USP8: variants seen among roughly 807,000 people sequenced by gnomAD.
USP8 encodes ubiquitin carboxyl-terminal hydrolase 8.
In USP8, 27 loss-of-function variants were observed where a neutral mutation model predicts 130.0. That is an observed-to-expected ratio of 0.21 (90% confidence interval 0.15 to 0.29). USP8 has a LOEUF of 0.29. Among genes scored for constraint, USP8 ranks in the 10% least tolerant of loss-of-function variants. The pLI is 1.00. For missense variants in USP8, 1,029 were observed against 1,312.2 expected (o/e 0.78, Z 3.33); for synonymous variants, 392 against 444.1 (o/e 0.88, Z 1.48).
At position 50,500,667 on chromosome 15, in the gene USP8, T is replaced by C. The variant is rs1456066902; in HGVS notation, c.*1579T>C. On this transcript the variant is annotated 3_prime_UTR_variant, in exon 20 of 20. Coordinates refer to ENST00000307179, the MANE Select transcript of USP8 (RefSeq NM_005154.5). Reference sequence around the variant, plus strand: ...ATTTTCCTGGCTCTTAACGCTTTTGTATTGGTATGGAAAAGGGCTGGCAGC... The same window carrying C: ...ATTTTCCTGGCTCTTAACGCTTTTGCATTGGTATGGAAAAGGGCTGGCAGC... 16 of 1,140,530 alleles carry C rather than the reference T, an allele frequency of 1.4e-5. No homozygotes were observed. The highest frequency in any genetic ancestry group is 2.1e-5 in the Non-Finnish European group (16 of 779,798). The allele number at this position is 1,140,530 out of a possible 1,614,324, so 70.7% of individuals were successfully genotyped here. A position where few individuals can be genotyped will look rare whatever the true frequency, so the allele number is the denominator to read the frequency against.
In USP8 at chr15:50,499,110, G is replaced by C. The variant is rs766714848; in HGVS notation, c.*22G>C. 6.4e-7 allele frequency: 1 copy of C among 1,557,586 alleles called. No individual in the cohort carries two copies. Among genetic ancestry groups the C allele is most frequent in the African/African-American group, 1.4e-5 (1 of 72,864 alleles). ...ATAAGGAGACATAGGTTATAAACTAGTTATCTTTTAAAAGGCTCAGCAACA... is the reference window on the plus strand; with the variant it reads ...ATAAGGAGACATAGGTTATAAACTACTTATCTTTTAAAAGGCTCAGCAACA... On this transcript the variant is annotated 3_prime_UTR_variant, in exon 20 of 20. Coordinates refer to ENST00000307179, the MANE Select transcript of USP8 (RefSeq NM_005154.5).
Position 50,477,342 on chromosome 15 carries a change from C to A in USP8, c.1061C>A (p.Ala354Glu). 6.2e-7 allele frequency: 1 copy of A among 1,614,094 alleles called. No homozygotes were observed. The highest frequency in any genetic ancestry group is 8.5e-7 in the Non-Finnish European group (1 of 1,180,026). Residue 354 changes from alanine (A) to glutamate (E), a missense_variant, in exon 10 of 20, where the codon GCA (alanine) becomes GAA (glutamate). Ala to Glu is a moderately radical substitution (Grantham distance 107). Around this residue, in one of 4 missense-constraint regions of USP8, gnomAD observed 486 missense variants for 522.0 expected, o/e 0.93. Transcript: ENST00000307179. Reference sequence around the variant, plus strand: ...AAACCTGCTGCCCAGACGCCACCTGCATCTATAGAAGTAGATGAAAATATA... The same window carrying A: ...AAACCTGCTGCCCAGACGCCACCTGAATCTATAGAAGTAGATGAAAATATA... ...PSKPAAQTPP[A>E]SIEVDENIEL...
intron 14 of USP8, among the ~76,000 whole-genome samples, chr15:50,491,545 G>T (rs911385505): frequency 1.3e-5 from 2 of 152,086 alleles, no homozygotes; most frequent in African/African-American, 4.8e-5. Context: ...AACAGAAAAA[G>T]CACACGAGTA....
chr15:50,493,265 C>T, intron 15 of USP8: 1 of 513,670 alleles, frequency 1.9e-6, no homozygotes, highest in South Asian at 1.5e-5. Flanking sequence ...GTCACATTGG[C>T]AACACCTGAA....
chr15:50,454,798 T>A (rs1241127426), intron 4 of USP8, among the ~76,000 whole-genome samples: 5 of 152,062 alleles, frequency 3.3e-5, no homozygotes, highest in Admixed American at 3.3e-4. Context: ...TTTTTTCTTT[T>A]GAGACAATGT....
rs976080656 is a variant in USP8, at chr15:50,500,752, G to C, written c.*1664G>C. The C allele has an allele frequency of 1.8e-5, 29 of 1,577,648 alleles. No individual in the cohort carries two copies. In the African/African-American group the frequency reaches 2.6e-4, roughly 14 times the overall value. On this transcript the variant is annotated 3_prime_UTR_variant, in exon 20 of 20. Transcript: ENST00000307179. ...AGTATCTGGAATCTCACTGACTCGT[G>C]TGTTATCAAAGCTATATCAGGCCTG... is the stretch of plus-strand genomic sequence containing the variant.
chr15:50,495,132 CTTT>C (rs1477731088), intron 16 of USP8, among the ~76,000 whole-genome samples: 1 of 151,480 alleles, frequency 6.6e-6, no homozygotes, highest in Non-Finnish European at 1.5e-5. Flanking sequence ...ACTACAACTT[CTTT>C]TTAGCACTTT....
rs1596004965 is a variant in USP8, at chr15:50,507,386, T to C, written c.*8298T>C. The stretch of plus-strand genomic sequence containing the variant: ...TTGAGCATCATGTTGGTGCTTAAAA[T>C]GTTTCAGATTTTGGAGCATTTTGGA... On this transcript the variant is annotated 3_prime_UTR_variant, in exon 20 of 20. Coordinates refer to ENST00000307179, the MANE Select transcript of USP8 (RefSeq NM_005154.5). 6.6e-6 allele frequency: 1 copy of C among 152,378 alleles called. No homozygotes were observed. Among genetic ancestry groups the C allele is most frequent in the South Asian group, 2.1e-4 (1 of 4,826 alleles). The allele number at this position is 152,378 out of a possible 1,614,324, so 9.4% of individuals were successfully genotyped here. A position where few individuals can be genotyped will look rare whatever the true frequency, so the allele number is the denominator to read the frequency against.
intron 1 of USP8, among the ~76,000 whole-genome samples, chr15:50,425,709 G>GT (rs2049690453): frequency 6.6e-6 from 1 of 151,928 alleles, no homozygotes; most frequent in South Asian, 2.1e-4. Context: ...ATAGACATCT[G>GT]TTTTTTTAAG....
chr15:50,442,652 G>A (rs2050299015), intron 3 of USP8, among the ~76,000 whole-genome samples: 1 of 152,262 alleles, frequency 6.6e-6, no homozygotes, highest in East Asian at 1.9e-4. Context: ...GGCTGAGACA[G>A]GAGAACCACT....
rs762105717 is a variant in USP8, at chr15:50,477,374, A to G, written c.1093A>G (p.Ile365Val). 2 of 1,614,194 alleles carry G rather than the reference A, an allele frequency of 1.2e-6. No homozygotes were observed. The highest frequency in any genetic ancestry group is 2.2e-5 in the South Asian group (2 of 91,090). Reference sequence around the variant, plus strand: ...AGAAGTAGATGAAAATATAGAATTGATAAGTGGTCAAAATGAGAGAATGGG... The same window carrying G: ...AGAAGTAGATGAAAATATAGAATTGGTAAGTGGTCAAAATGAGAGAATGGG... ...SIEVDENIELISGQNERMGPL... is the reference protein window; with the variant it reads ...SIEVDENIELVSGQNERMGPL... Residue 365 changes from isoleucine to valine, a missense_variant, in exon 10 of 20, where the codon ATA becomes GTA. Transcript: ENST00000307179.
chr15:50,472,146 C>CT (rs1214069508), intron 8 of USP8, among the ~76,000 whole-genome samples: 1 of 151,948 alleles, frequency 6.6e-6, no homozygotes, highest in African/African-American at 2.4e-5. Flanking sequence ...GTTGATCCAC[C>CT]TGCCTTGGCA....
chr15:50,428,224 C>T (rs2049809311), intron 1 of USP8, among the ~76,000 whole-genome samples: 1 of 151,976 alleles, frequency 6.6e-6, no homozygotes, highest in South Asian at 2.1e-4. Flanking sequence ...TCAAGCAATT[C>T]TCCTGCCTCA....
At chr15:50,436,568 G>A (rs1260645011) in intron 1 of USP8, among the ~76,000 whole-genome samples, 1 of 151,690 alleles carries the variant, frequency 6.6e-6, no homozygotes, top group African/African-American at 2.4e-5. Context: ...GTGCGATCTC[G>A]GCTCACTGCA....
At chr15:50,479,873 C>G (rs1021950420) in intron 10 of USP8, among the ~76,000 whole-genome samples, 10 of 152,088 alleles carry the variant, frequency 6.6e-5, no homozygotes, top group African/African-American at 2.4e-4. Flanking sequence ...ATCCTCCCAC[C>G]TCAGCCTCCT....
intron 1 of USP8, among the ~76,000 whole-genome samples, chr15:50,428,722 A>T (rs1489087855): frequency 3.3e-5 from 5 of 152,174 alleles, no homozygotes; most frequent in African/African-American, 1.2e-4. Flanking sequence ...TTTCCTTCAT[A>T]ATTTTGCAGA....
intron 2 of USP8, 21 bp from the exon 3 acceptor site, chr15:50,441,328 T>C: frequency 6.4e-7 from 1 of 1,568,218 alleles, no homozygotes. Context: ...CTTTAATTAT[T>C]ATTTTTTCTC....
chr15:50,496,041 A>G lies in USP8; in HGVS notation c.2852A>G (p.Tyr951Cys). Residue 951 changes from tyrosine to cysteine, a missense_variant, in exon 17 of 20, where the codon TAT becomes TGT. Around this residue, in one of 4 missense-constraint regions of USP8, gnomAD observed 257 missense variants for 429.8 expected, o/e 0.60. Transcript: ENST00000307179. ...KKSRTFEAFM[Y>C]LSLPLASTSK... The stretch of plus-strand genomic sequence containing the variant: ...TCTAGGACATTTGAGGCCTTCATGT[A>G]TTTGTCTCTACCACTAGCATCCACA... 1 of 1,613,968 alleles carries G rather than the reference A, an allele frequency of 6.2e-7. No homozygotes were observed. The highest frequency in any genetic ancestry group is 8.5e-7 in the Non-Finnish European group (1 of 1,179,956).
Position 50,484,380 on chromosome 15 carries a change from G to GA in USP8, c.1890+25dup, listed in dbSNP as rs1339511280. ...AAATAAAGTAAGTAGTTTATTGCAG[G>GA]AAAAAACTGGAAAAAAAAGCCAAAC... On this transcript the variant is annotated intron_variant, in intron 12 of 19. Transcript: ENST00000307179. The GA allele has an allele frequency of 6.3e-7, 1 of 1,582,938 alleles. No individual in the cohort carries two copies. Among genetic ancestry groups the GA allele is most frequent in the African/African-American group, 1.4e-5 (1 of 73,462 alleles).
Sources: allele counts gnomAD v4.1 joint callset (sites outside exome capture counted in the v4.1 genomes callset), GRCh38; gene constraint gnomAD v4.1.1; regional missense constraint gnomAD v4.1.1; transcripts MANE v1.5; gene names NCBI Gene and HGNC (gene_info 2026-07-23, HGNC 2026-07-21).